Variants in LRIG1 observed in about 807,000 individuals in gnomAD.
LRIG1 encodes leucine-rich repeats and immunoglobulin-like domains protein 1.
In LRIG1, 48 loss-of-function variants were observed where a neutral mutation model predicts 99.2. That is an observed-to-expected ratio of 0.48 (90% CI 0.38 to 0.62). The LOEUF is 0.62. Among genes scored for constraint, LRIG1 ranks in the 20% least tolerant of loss-of-function variants. The probability of loss-of-function intolerance (pLI) is 0.00; values close to 1 mark genes in which losing one functional copy is unlikely to be tolerated. For missense variants in LRIG1, 1,646 were observed against 1,434.4 expected (o/e 1.15, Z -2.38); for synonymous variants, 772 against 596.1 (o/e 1.29, Z -4.30).
At chr3:66,447,561 GTGGGAGAGCAAA>G (rs979213156) in intron 3 of LRIG1, among the ~76,000 whole-genome samples, 12 of 152,192 alleles carry the variant, frequency 7.9e-5, no homozygotes, top group African/African-American at 2.9e-4. Flanking sequence ...GACACAGGCT[GTGGGAGAGCAAA>G]TGACAAGGCA....
chr3:66,431,106 G>T (rs143306415), intron 3 of LRIG1, among the ~76,000 whole-genome samples: 2 of 152,230 alleles, frequency 1.3e-5, no homozygotes, highest in African/African-American at 4.8e-5. Flanking sequence ...CAGCAAGCCC[G>T]GCACAACCGT....
At chr3:66,444,705 T>C (rs1210134366) in intron 3 of LRIG1, among the ~76,000 whole-genome samples, 2 of 152,164 alleles carry the variant, frequency 1.3e-5, no homozygotes, top group Non-Finnish European at 2.9e-5. Flanking sequence ...CAGCAAGCCC[T>C]ACAGGTGGTC....
In LRIG1 at chr3:66,379,156, T is replaced by A. The variant is rs1172169628; in HGVS notation, c.*1107A>T. 1 of 152,648 alleles carries A rather than the reference T, an allele frequency of 6.6e-6. No individual in the cohort carries two copies. Among genetic ancestry groups the A allele is most frequent in the Non-Finnish European group, 1.5e-5 (1 of 68,044 alleles). The allele number at this position is 152,648 out of a possible 1,614,324, so 9.5% of individuals were successfully genotyped here. ...ATTTAAGTTTTACTAAATGACACATTGGCACTCATAAGATGGTTAGCTACC... is the reference window on the plus strand; with the variant it reads ...ATTTAAGTTTTACTAAATGACACATAGGCACTCATAAGATGGTTAGCTACC... On this transcript the variant is annotated 3_prime_UTR_variant, in exon 19 of 19. Transcript: ENST00000273261.
intron 6 of LRIG1, among the ~76,000 whole-genome samples, chr3:66,411,661 C>T (rs939025627): frequency 6.6e-6 from 1 of 152,170 alleles, no homozygotes; most frequent in Non-Finnish European, 1.5e-5. Flanking sequence ...GTGGATGGAC[C>T]TGGGCCTAGC....
chr3:66,421,622 T>A (rs1037211754), intron 3 of LRIG1, among the ~76,000 whole-genome samples: 1 of 152,172 alleles, frequency 6.6e-6, no homozygotes, highest in African/African-American at 2.4e-5. Context: ...TGTCTGCGGC[T>A]TTTCCAGGTG....
At chr3:66,418,092 T>G (rs757780183) in intron 3 of LRIG1, among the ~76,000 whole-genome samples, 2 of 147,026 alleles carry the variant, frequency 1.4e-5, no homozygotes, top group Non-Finnish European at 3.0e-5. Flanking sequence ...TTTTTTGTTT[T>G]GTTTTTGTTT....
At chr3:66,434,908 T>C (rs1002397540) in intron 3 of LRIG1, among the ~76,000 whole-genome samples, 14 of 152,166 alleles carry the variant, frequency 9.2e-5, no homozygotes, top group African/African-American at 3.4e-4. Context: ...AACTCCCATA[T>C]GACCTGTCAA....
At chr3:66,479,923 A>G (rs1241958879) in intron 1 of LRIG1, among the ~76,000 whole-genome samples, 1 of 152,238 alleles carries the variant, frequency 6.6e-6, no homozygotes, top group Non-Finnish European at 1.5e-5. Flanking sequence ...TAGAATTGCC[A>G]TATGACCCAG....
Position 66,498,979 on chromosome 3 carries a change from T to G in LRIG1, c.218+1211A>C, listed in dbSNP as rs115402100. The stretch of plus-strand genomic sequence containing the variant: ...CAACTTGTGACACCAGTTTTCTCTT[T>G]TTAAAACAGCCATAGTCATGCCTAA... On this transcript the variant is annotated intron_variant, in intron 1 of 18. Coordinates refer to ENST00000273261, the MANE Select transcript of LRIG1 (RefSeq NM_015541.3). 9.7e-3 allele frequency among the ~76,000 whole-genome samples: 1,475 copies of G among 152,352 alleles called. 25 individuals are homozygous for G. Among genetic ancestry groups the G allele is most frequent in the African/African-American group, 0.034 (1,413 of 41,576 alleles).
At position 66,379,071 on chromosome 3, in the gene LRIG1, A is replaced by G. The variant is rs778337898; in HGVS notation, c.*1192T>C. ...TGACACCTGACAGTAATTGTTAACT[A>G]TTTTCTCAGTAACTCCCTTCAGCTT... On this transcript the variant is annotated 3_prime_UTR_variant, in exon 19 of 19. Coordinates refer to ENST00000273261, the MANE Select transcript of LRIG1 (RefSeq NM_015541.3). 4.6e-5 allele frequency: 7 copies of G among 152,634 alleles called. No homozygotes were observed. The highest frequency in any genetic ancestry group is 1.0e-4 in the Non-Finnish European group (7 of 68,048). 9.5% of individuals were successfully genotyped at this position (152,634 alleles called of 1,614,324 possible). A position where few individuals can be genotyped will look rare whatever the true frequency, so the allele number is the denominator to read the frequency against.
chr3:66,459,423 C>G (rs1700306639), intron 2 of LRIG1, among the ~76,000 whole-genome samples: 1 of 152,224 alleles, frequency 6.6e-6, no homozygotes, highest in Admixed American at 6.5e-5. Context: ...TGGCCACGCA[C>G]CCCTCCATCG....
chr3:66,438,444 C>T (rs942274343), intron 3 of LRIG1, among the ~76,000 whole-genome samples: 2 of 152,144 alleles, frequency 1.3e-5, no homozygotes, highest in African/African-American at 4.8e-5. Context: ...ATGGTTGATA[C>T]TGAACCAGCC....
intron 1 of LRIG1, among the ~76,000 whole-genome samples, chr3:66,492,613 T>G (rs1701128332): frequency 6.6e-6 from 1 of 152,128 alleles, no homozygotes; most frequent in Admixed American, 6.5e-5. Flanking sequence ...GTTCAAAAAC[T>G]AATCAACGCA....
In LRIG1 at chr3:66,410,251, C is replaced by T. The variant is rs768177868; in HGVS notation, c.813G>A (p.Leu271=). 2.5e-6 allele frequency: 4 copies of T among 1,611,098 alleles called. No homozygotes were observed. The highest frequency in any genetic ancestry group is 2.2e-5 in the South Asian group (2 of 90,632). ...AGAGCGAGCCGCTGTTCACTTCTAC[C>T]AGGCTGTTGTACTCCAGGTGCCTGC... ...MHVLHLEYNS[L]VEVNSGSLYG... Residue 271 remains leucine (L), a synonymous_variant, in exon 7 of 19, where the codon CTG becomes CTA. Coordinates refer to ENST00000273261, the MANE Select transcript of LRIG1 (RefSeq NM_015541.3).
intron 1 of LRIG1, among the ~76,000 whole-genome samples, chr3:66,484,310 C>T (rs1172278223): frequency 1.3e-5 from 2 of 152,172 alleles, no homozygotes; most frequent in African/African-American, 2.4e-5. Flanking sequence ...TAATGTGTCA[C>T]AGGCTTCACA....
At chr3:66,399,362 C>CTTGG (rs1439924629) in intron 9 of LRIG1, among the ~76,000 whole-genome samples, 1 of 152,248 alleles carries the variant, frequency 6.6e-6, no homozygotes, top group African/African-American at 2.4e-5. Flanking sequence ...CCCAGTCTCT[C>CTTGG]TCCAAGGACC....
chr3:66,404,218 A>G lies in LRIG1; in HGVS notation c.1160+980T>C, dbSNP rs754195549. ...AACAAATCAGAAGCATCTACTATAT[A>G]AAAAGACTCTCCCTACCACAGGCTC... is the stretch of plus-strand genomic sequence containing the variant. On this transcript the variant is annotated intron_variant, in intron 9 of 18. Coordinates refer to ENST00000273261, the MANE Select transcript of LRIG1 (RefSeq NM_015541.3). 5.4e-6 allele frequency: 7 copies of G among 1,286,412 alleles called. No homozygotes were observed. In the South Asian group the frequency reaches 7.4e-5, roughly 14 times the overall value. The allele number at this position is 1,286,412 out of a possible 1,614,324, so 79.7% of individuals were successfully genotyped here.
chr3:66,467,580 C>T (rs981696887), intron 1 of LRIG1, among the ~76,000 whole-genome samples: 1 of 152,138 alleles, frequency 6.6e-6, no homozygotes, highest in African/African-American at 2.4e-5. Flanking sequence ...CCAGGATGGT[C>T]TTGATCTCCT....
At chr3:66,399,400 G>A (rs1211171949) in intron 9 of LRIG1, among the ~76,000 whole-genome samples, 1 of 152,228 alleles carries the variant, frequency 6.6e-6, no homozygotes, top group East Asian at 1.9e-4. Flanking sequence ...GAAGTTTAGT[G>A]ATGGAGAGAT....
Sources: gnomAD v4.1 joint callset for allele counts (sites outside exome capture counted in the v4.1 genomes callset) on GRCh38, gnomAD v4.1.1 for gene constraint, MANE v1.5 for transcripts, NCBI Gene and HGNC (gene_info 2026-07-23, HGNC 2026-07-21) for gene names.